SLC10A7: variants seen among roughly 807,000 people sequenced by gnomAD.
SLC10A7 encodes sodium/bile acid cotransporter 7.
A neutral mutation model predicts 43.2 loss-of-function variants in SLC10A7; 29 were observed. The ratio of observed to expected loss-of-function variants is 0.67; its 90% CI spans 0.50 to 0.92. The LOEUF (loss-of-function observed/expected upper bound fraction) is 0.92, where lower values mean the gene tolerates loss of function less well. Among genes scored for constraint, SLC10A7 ranks in the 40% least tolerant of loss-of-function variants. SLC10A7 has a pLI of 0.00. For synonymous variants in SLC10A7, 152 were observed against 144.8 expected, an observed-to-expected ratio of 1.05 and a Z score of -0.35; for missense variants, 295 against 403.2, an observed-to-expected ratio of 0.73 and a Z score of 2.30.
intron 5 of SLC10A7, among the ~76,000 whole-genome samples, chr4:146,360,606 T>TTTTG (rs1001193864): frequency 3.3e-5 from 5 of 150,362 alleles, no homozygotes; most frequent in African/African-American, 1.2e-4. Context: ...ACACCTGGCT[T>TTTTG]TTTGTTTGTT....
chr4:146,476,194 A>C (rs1734014875), intron 4 of SLC10A7, among the ~76,000 whole-genome samples: 1 of 152,212 alleles, frequency 6.6e-6, no homozygotes, highest in Non-Finnish European at 1.5e-5. Context: ...AAGAGTAGCA[A>C]CCAGAAAACT....
chr4:146,460,508 T>C (rs1004090199), intron 4 of SLC10A7, among the ~76,000 whole-genome samples: 1 of 151,924 alleles, frequency 6.6e-6, no homozygotes, highest in Non-Finnish European at 1.5e-5. Flanking sequence ...TAAAAAGGAA[T>C]GGACTATGGA....
chr4:146,333,459 T>C (rs111687084), intron 5 of SLC10A7, among the ~76,000 whole-genome samples: 2 of 152,108 alleles, frequency 1.3e-5, no homozygotes, highest in African/African-American at 4.8e-5. Flanking sequence ...CAGTGAGCTA[T>C]GAGAGTGCTT....
At chr4:146,514,246 T>C (rs1737745782) in intron 2 of SLC10A7, 1 of 152,220 alleles carries the variant, frequency 6.6e-6, no homozygotes, top group Admixed American at 6.5e-5. Flanking sequence ...AGCCTGCATC[T>C]TCTGCCCTAC....
At position 146,385,804 on chromosome 4, in the gene SLC10A7, G is replaced by C. The variant is rs143527567; in HGVS notation, c.435+56979C>G. Among the ~76,000 whole-genome samples the C allele has an allele frequency of 5.5e-3, 842 of 152,186 alleles. 4 individuals carry two copies. Among genetic ancestry groups the C allele is most frequent in the South Asian group, 0.016 (77 of 4,816 alleles). ...GTCTCTTGTTGCCATCTTCATGTCC[G>C]TAAGTACCCAGTGTTTAGCTCCCAC... On this transcript the variant is annotated intron_variant, in intron 5 of 11. Coordinates refer to ENST00000335472, the MANE Select transcript of SLC10A7 (RefSeq NM_001029998.6).
chr4:146,380,182 C>T (rs1418509843), intron 5 of SLC10A7, among the ~76,000 whole-genome samples: 1 of 152,076 alleles, frequency 6.6e-6, no homozygotes, highest in African/African-American at 2.4e-5. Context: ...TTTAATCCCT[C>T]TGGATCAATC....
At chr4:146,475,475 T>C (rs1733938591) in intron 4 of SLC10A7, among the ~76,000 whole-genome samples, 2 of 152,228 alleles carry the variant, frequency 1.3e-5, no homozygotes, top group Non-Finnish European at 2.9e-5. Flanking sequence ...CAAGGATTCA[T>C]GAACTGATCA....
Position 146,416,296 on chromosome 4 carries a change from A to C in SLC10A7, c.435+26487T>G, listed in dbSNP as rs570440271. 6.5e-4 allele frequency among the ~76,000 whole-genome samples: 99 copies of C among 152,310 alleles called. 1 individual carries two copies. The highest frequency in any genetic ancestry group is 6.4e-3 in the Admixed American group (98 of 15,292). ...ATGCTTGTCAATAGAGTAATGACCA[A>C]ATAGGGTCACCAACAAAAGGTTAAA... On this transcript the variant is annotated intron_variant, in intron 5 of 11. Transcript: ENST00000335472.
At chr4:146,507,601 ATAAC>A (rs1560977769) in intron 3 of SLC10A7, among the ~76,000 whole-genome samples, 2 of 152,128 alleles carry the variant, frequency 1.3e-5, no homozygotes, top group African/African-American at 4.8e-5. Flanking sequence ...ATCTGTCACC[ATAAC>A]TAACTTTCCA....
chr4:146,465,674 C>G (rs1276346311), intron 4 of SLC10A7, among the ~76,000 whole-genome samples: 2 of 152,072 alleles, frequency 1.3e-5, no homozygotes, highest in Non-Finnish European at 2.9e-5. Flanking sequence ...TCAAATTATT[C>G]ATAAAATACC....
chr4:146,262,779 A>C (rs1207740863), intron 10 of SLC10A7, among the ~76,000 whole-genome samples: 1 of 152,204 alleles, frequency 6.6e-6, no homozygotes, highest in Non-Finnish European at 1.5e-5. Flanking sequence ...CACAGTCTCG[A>C]ACCAGTCTCT....
intron 5 of SLC10A7, among the ~76,000 whole-genome samples, chr4:146,368,148 C>T (rs1347499479): frequency 1.3e-5 from 2 of 152,108 alleles, no homozygotes; most frequent in African/African-American, 4.8e-5. Flanking sequence ...GGCCCCTTAC[C>T]TTGACACCAG....
chr4:146,406,825 A>C (rs1579105714), intron 5 of SLC10A7, among the ~76,000 whole-genome samples: 1 of 152,114 alleles, frequency 6.6e-6, no homozygotes, highest in Admixed American at 6.5e-5. Flanking sequence ...TCTACTAAAA[A>C]TACAAAAATT....
rs869182731 is a variant in SLC10A7, at chr4:146,379,959, CTGTG to C, written c.436-53967_436-53964del. On this transcript the variant is annotated intron_variant, in intron 5 of 11. Coordinates refer to ENST00000335472, the MANE Select transcript of SLC10A7 (RefSeq NM_001029998.6). ...ATTCTCTCTCTCTCTCTCTCTCTCT[CTGTG>C]TGTGTGTGTGTGTGTGTGTGCGTGT... is the stretch of plus-strand genomic sequence containing the variant. Among the ~76,000 whole-genome samples the C allele has an allele frequency of 2.7e-3, 217 of 80,426 alleles. 1 individual carries two copies. Among genetic ancestry groups the C allele is most frequent in the African/African-American group, 0.01 (203 of 20,268 alleles). The allele number at this position is 80,426 out of a possible 152,430, so 52.8% of individuals were successfully genotyped here.
chr4:146,400,299 G>A (rs1739139317), intron 5 of SLC10A7, among the ~76,000 whole-genome samples: 1 of 152,230 alleles, frequency 6.6e-6, no homozygotes, highest in South Asian at 2.1e-4. Flanking sequence ...ATGCTAGGGA[G>A]GCTTAATTAA....
chr4:146,442,692 G>A, intron 5 of SLC10A7, 91 bp downstream of exon 5: 1 of 1,556,464 alleles, frequency 6.4e-7, no homozygotes, highest in Non-Finnish European at 8.6e-7. Flanking sequence ...CTTAACCAAA[G>A]AGTAAAACAA....
intron 10 of SLC10A7, among the ~76,000 whole-genome samples, chr4:146,268,615 G>A (rs1288562703): frequency 6.6e-6 from 1 of 152,164 alleles, no homozygotes; most frequent in Non-Finnish European, 1.5e-5. Flanking sequence ...GCACTGTTCT[G>A]AGAGTGTACA....
At position 146,475,538 on chromosome 4, in the gene SLC10A7, T is replaced by A. The variant is rs138397087; in HGVS notation, c.396+28311A>T. 4.3e-3 allele frequency among the ~76,000 whole-genome samples: 655 copies of A among 152,294 alleles called. 4 individuals carry two copies. Among genetic ancestry groups the A allele is most frequent in the African/African-American group, 0.015 (617 of 41,570 alleles). ...CCACGATTGCCCTTCTTGAGCAACATGCTACGCACTGGAGAAAGGACACTC... is the reference window on the plus strand; with the variant it reads ...CCACGATTGCCCTTCTTGAGCAACAAGCTACGCACTGGAGAAAGGACACTC... On this transcript the variant is annotated intron_variant, in intron 4 of 11. Transcript: ENST00000335472.
chr4:146,286,207 G>C (rs1729919883), intron 9 of SLC10A7, among the ~76,000 whole-genome samples: 1 of 141,706 alleles, frequency 7.1e-6, no homozygotes, highest in South Asian at 2.2e-4. Context: ...ACCGTGTTTG[G>C]AGTGGTGAGA....
Sources: allele counts gnomAD v4.1 joint callset (sites outside exome capture counted in the v4.1 genomes callset), GRCh38; gene constraint gnomAD v4.1.1; transcripts MANE v1.5; gene names NCBI Gene and HGNC (gene_info 2026-07-23, HGNC 2026-07-21).